The following PTPRD variants were observed in gnomAD, a reference collection of about 807,000 sequenced individuals.
The protein encoded by PTPRD is protein tyrosine phosphatase receptor type D.
PTPRD carries 34 observed loss-of-function variants against 214.5 expected under a neutral mutation model. The ratio of observed to expected loss-of-function variants is 0.16; its 90% CI spans 0.12 to 0.21. The LOEUF (loss-of-function observed/expected upper bound fraction) is 0.21, where lower values mean the gene tolerates loss of function less well. PTPRD is among the 10% of genes least tolerant of loss of function. The pLI is 1.00. For synonymous variants in PTPRD, 1,128 were observed against 845.7 expected (o/e 1.33, Z -5.79); for missense variants, 2,545 against 2,398.7 (o/e 1.06, Z -1.27).
At chr9:9,678,505 A>G (rs1358229227) in intron 7 of PTPRD, among the ~76,000 whole-genome samples, 1 of 151,944 alleles carries the variant, frequency 6.6e-6, no homozygotes, top group Non-Finnish European at 1.5e-5. Context: ...AAGAGCTCCT[A>G]GAAAACTTAC....
chr9:10,032,062 A>C (rs1247536889), intron 4 of PTPRD, among the ~76,000 whole-genome samples: 1 of 152,088 alleles, frequency 6.6e-6, no homozygotes, highest in African/African-American at 2.4e-5. Context: ...TGAACTGAGG[A>C]TTAATTAAAT....
chr9:10,034,407 CTTTTT>C (rs56827836), intron 3 of PTPRD, among the ~76,000 whole-genome samples: 1,064 of 89,518 alleles, frequency 0.012, 11 homozygotes, highest in South Asian at 0.031. Context: ...CCTGGCTCTA[CTTTTT>C]TTTTTTTTTT....
intron 11 of PTPRD, among the ~76,000 whole-genome samples, chr9:8,841,149 A>C (rs1373008540): frequency 1.3e-5 from 2 of 152,192 alleles, no homozygotes; most frequent in African/African-American, 4.8e-5. Flanking sequence ...GTGACCATCA[A>C]GATTTAGATC....
intron 3 of PTPRD, among the ~76,000 whole-genome samples, chr9:10,337,645 T>TA (rs2096866954): frequency 6.6e-6 from 1 of 151,774 alleles, no homozygotes; most frequent in Non-Finnish European, 1.5e-5. Flanking sequence ...GCTTAAGTCA[T>TA]AAAACTCTTT....
chr9:8,717,615 T>C (rs188672229), intron 12 of PTPRD, among the ~76,000 whole-genome samples: 10 of 152,332 alleles, frequency 6.6e-5, no homozygotes, highest in Non-Finnish European at 1.5e-4. Context: ...TAATTTGTAA[T>C]ACTCAGCCTC....
At chr9:8,824,946 A>G (rs1030952281) in intron 11 of PTPRD, among the ~76,000 whole-genome samples, 1 of 152,200 alleles carries the variant, frequency 6.6e-6, no homozygotes, top group Non-Finnish European at 1.5e-5. Context: ...TTGCTTTATT[A>G]TACTTGGCCT....
chr9:8,542,746 C>T (rs946136490), intron 14 of PTPRD, among the ~76,000 whole-genome samples: 1 of 152,236 alleles, frequency 6.6e-6, no homozygotes, highest in African/African-American at 2.4e-5. Flanking sequence ...AGCCGTTTGC[C>T]TCCTTATCTG....
At chr9:10,134,241 G>A (rs568827520) in intron 3 of PTPRD, among the ~76,000 whole-genome samples, 1 of 152,268 alleles carries the variant, frequency 6.6e-6, no homozygotes, top group African/African-American at 2.4e-5. Flanking sequence ...GTCTCCTGGT[G>A]ACCTTATCTT....
chr9:8,803,432 T>C (rs1265976145), intron 11 of PTPRD, among the ~76,000 whole-genome samples: 1 of 152,218 alleles, frequency 6.6e-6, no homozygotes, highest in Non-Finnish European at 1.5e-5. Context: ...ACACTCCCTT[T>C]AGTAATCTAC....
chr9:8,654,153 C>T (rs1280421021), intron 12 of PTPRD, among the ~76,000 whole-genome samples: 5 of 152,202 alleles, frequency 3.3e-5, no homozygotes, highest in African/African-American at 1.2e-4. Flanking sequence ...CCTGGGAAAA[C>T]ATCCTAAGTT....
chr9:9,041,848 T>G (rs2099640822), intron 10 of PTPRD, among the ~76,000 whole-genome samples: 1 of 152,296 alleles, frequency 6.6e-6, no homozygotes, highest in East Asian at 1.9e-4. Context: ...CCTACTCAAC[T>G]GTACTGGCTA....
At chr9:9,134,396 T>C (rs1031062015) in intron 10 of PTPRD, among the ~76,000 whole-genome samples, 1 of 152,162 alleles carries the variant, frequency 6.6e-6, no homozygotes, top group African/African-American at 2.4e-5. Context: ...TCTCTTTTCC[T>C]CTATTCCCAT....
chr9:8,817,021 A>G (rs147663910), intron 11 of PTPRD, among the ~76,000 whole-genome samples: 1 of 152,232 alleles, frequency 6.6e-6, no homozygotes, highest in Non-Finnish European at 1.5e-5. Flanking sequence ...GGCAAGTAGA[A>G]TAAGTGAATC....
intron 10 of PTPRD, among the ~76,000 whole-genome samples, chr9:9,159,255 G>C (rs1458873353): frequency 6.6e-6 from 1 of 152,052 alleles, no homozygotes; most frequent in African/African-American, 2.4e-5. Flanking sequence ...AGAAAATGAA[G>C]AAGTGAAATA....
At chr9:9,026,011 G>C (rs1279282232) in intron 10 of PTPRD, among the ~76,000 whole-genome samples, 1 of 151,952 alleles carries the variant, frequency 6.6e-6, no homozygotes, top group East Asian at 1.9e-4. Context: ...GAAAGAGAAA[G>C]ACAGTTGGAT....
chr9:9,505,513 G>A (rs954814905), intron 8 of PTPRD, among the ~76,000 whole-genome samples: 2 of 151,378 alleles, frequency 1.3e-5, no homozygotes, highest in South Asian at 2.1e-4. Context: ...TCAGAGAAAC[G>A]TGTAGCTGTC....
At chr9:10,014,266 G>A (rs1009426039) in intron 4 of PTPRD, among the ~76,000 whole-genome samples, 1 of 152,024 alleles carries the variant, frequency 6.6e-6, no homozygotes, top group African/African-American at 2.4e-5. Flanking sequence ...CTAAGACTCA[G>A]TGAGGCTAAG....
At chr9:10,149,894 C>T (rs1323345864) in intron 3 of PTPRD, among the ~76,000 whole-genome samples, 2 of 151,998 alleles carry the variant, frequency 1.3e-5, no homozygotes, top group East Asian at 3.9e-4. Flanking sequence ...CAACACCCAG[C>T]TAATTTTTGT....
At chr9:9,725,184 C>G (rs1011141041) in intron 7 of PTPRD, among the ~76,000 whole-genome samples, 1 of 152,086 alleles carries the variant, frequency 6.6e-6, no homozygotes, top group East Asian at 1.9e-4. Flanking sequence ...AAAATTCCCT[C>G]GTGTTCTGGG....
Sources: gnomAD v4.1 joint callset for allele counts (sites outside exome capture counted in the v4.1 genomes callset) on GRCh38, gnomAD v4.1.1 for gene constraint, MANE v1.5 for transcripts, NCBI Gene and HGNC (gene_info 2026-07-23, HGNC 2026-07-21) for gene names.